The following DMXL2 variants were observed in gnomAD, a reference collection of about 807,000 sequenced individuals.
The protein encoded by DMXL2 is dmX-like protein 2.
In DMXL2, 103 loss-of-function variants were observed where a neutral mutation model predicts 331.1. The ratio of observed to expected loss-of-function variants is 0.31; its 90% CI spans 0.27 to 0.37. The LOEUF is 0.37. Ranked by LOEUF, DMXL2 falls within the 10% of genes least tolerant of loss-of-function variation. The probability of loss-of-function intolerance (pLI) is 1.00; values close to 1 mark genes in which losing one functional copy is unlikely to be tolerated. For synonymous variants in DMXL2, 1,281 were observed against 1,252.1 expected (o/e 1.02, Z -0.49); for missense variants, 3,171 against 3,642.9 (o/e 0.87, Z 3.33).
intron 1 of DMXL2, among the ~76,000 whole-genome samples, chr15:51,608,184 CA>C (rs11402503): frequency 1.3e-5 from 2 of 148,428 alleles, no homozygotes; most frequent in Admixed American, 6.7e-5. Flanking sequence ...GACTCAGTCT[CA>C]AAAAAAAAAG....
At chr15:51,502,719 C>T in intron 17 of DMXL2, 87 bp downstream of exon 17, 1 of 839,822 alleles carries the variant, frequency 1.2e-6, no homozygotes, top group African/African-American at 1.7e-5. Context: ...GAACATATTT[C>T]AGAAGAGTTC....
chr15:51,596,238 G>A lies in DMXL2; in HGVS notation c.88-20057C>T, dbSNP rs986243376. On this transcript the variant is annotated intron_variant, in intron 1 of 43. Transcript: ENST00000560891. Reference sequence around the variant, plus strand: ...CAAATCTACAAGAAAAAAACAAACAGCCCCATCAAAAAGTGGGCGAAGGAT... The same window carrying A: ...CAAATCTACAAGAAAAAAACAAACAACCCCATCAAAAAGTGGGCGAAGGAT... 1.7e-4 allele frequency among the ~76,000 whole-genome samples: 26 copies of A among 151,984 alleles called. No individual in the cohort carries two copies. In the East Asian group the frequency reaches 3.1e-3, roughly 18 times the overall value.
intron 8 of DMXL2, among the ~76,000 whole-genome samples, chr15:51,544,781 A>C (rs1214888399): frequency 2.0e-5 from 3 of 152,214 alleles, no homozygotes; most frequent in African/African-American, 7.2e-5. Context: ...ATAAAGAAAA[A>C]TACACATATT....
chr15:51,484,957 TCAA>T (rs2042278970), intron 23 of DMXL2, among the ~76,000 whole-genome samples: 1 of 142,906 alleles, frequency 7.0e-6, no homozygotes, highest in Non-Finnish European at 1.5e-5. Context: ...ATCAAGAGCT[TCAA>T]CAACAGACTA....
chr15:51,597,416 A>C (rs1043978353), intron 1 of DMXL2, among the ~76,000 whole-genome samples: 1 of 152,222 alleles, frequency 6.6e-6, no homozygotes, highest in African/African-American at 2.4e-5. Flanking sequence ...AACTTTATGT[A>C]AATGGAATCA....
intron 1 of DMXL2, among the ~76,000 whole-genome samples, chr15:51,609,727 G>A (rs569187304): frequency 3.3e-5 from 5 of 152,148 alleles, no homozygotes; most frequent in East Asian, 3.9e-4. Flanking sequence ...TCAGGAGTTT[G>A]AGACCAGCCT....
At chr15:51,595,723 T>C (rs2052750518) in intron 1 of DMXL2, among the ~76,000 whole-genome samples, 1 of 152,098 alleles carries the variant, frequency 6.6e-6, no homozygotes, top group South Asian at 2.1e-4. Context: ...AAAACAGAGA[T>C]ATAGATCAAT....
At chr15:51,521,127 T>G (rs1328000387) in intron 13 of DMXL2, among the ~76,000 whole-genome samples, 1 of 152,132 alleles carries the variant, frequency 6.6e-6, no homozygotes, top group South Asian at 2.1e-4. Context: ...CAACTTGACA[T>G]ATACAAGGTT....
intron 36 of DMXL2, chr15:51,458,111 C>T (rs773500571): frequency 4.8e-5 from 8 of 166,302 alleles, no homozygotes; most frequent in Non-Finnish European, 1.1e-4. Flanking sequence ...AAAGTAAAGC[C>T]GTCTACATTT....
intron 33 of DMXL2, among the ~76,000 whole-genome samples, chr15:51,462,902 T>C (rs971214967): frequency 2.0e-5 from 3 of 152,236 alleles, no homozygotes; most frequent in Non-Finnish European, 2.9e-5. Flanking sequence ...AAGAGCAATC[T>C]TCCTTCATCT....
rs755581343 is a variant in DMXL2 at position 51,498,962 on chromosome 15, G to A, written c.4262C>T (p.Thr1421Ile). The change falls in exon 18 of 44, where the codon ACT becomes ATT. Residue 1421 changes from threonine to isoleucine, a missense_variant. Coordinates refer to ENST00000560891, the MANE Select transcript of DMXL2 (RefSeq NM_001378457.1). ...TVGKDGTRDY[T>I]EIDSIPPLPL... ...TAGTGGAGGGATAGAATCTATCTCA[G>A]TATAATCTCGAGTACCATCTTTTCC... 23 of 1,613,894 alleles carry A rather than the reference G, an allele frequency of 1.4e-5. No individual in the cohort carries two copies. Among genetic ancestry groups the A allele is most frequent in the African/African-American group, 2.7e-5 (2 of 74,908 alleles).
chr15:51,591,312 C>T lies in DMXL2; in HGVS notation c.88-15131G>A, dbSNP rs563752302. On this transcript the variant is annotated intron_variant, in intron 1 of 43. Coordinates refer to ENST00000560891, the MANE Select transcript of DMXL2 (RefSeq NM_001378457.1). ...CCCGCGCCTGGCTCGGAGGGTCCTA[C>T]GCCCACAGAGCCTCGCTCATTGCTA... Among the ~76,000 whole-genome samples the T allele has an allele frequency of 8.5e-3, 1,299 of 152,344 alleles. 14 individuals carry two copies. Among genetic ancestry groups the T allele is most frequent in the African/African-American group, 0.03 (1,241 of 41,580 alleles).
At chr15:51,452,480 A>C (rs2039236004) in intron 41 of DMXL2, among the ~76,000 whole-genome samples, 1 of 152,188 alleles carries the variant, frequency 6.6e-6, no homozygotes, top group Non-Finnish European at 1.5e-5. Flanking sequence ...AATGGCCAAC[A>C]AACAGGAAAA....
At chr15:51,541,961 ATATT>A (rs1382202516) in intron 9 of DMXL2, among the ~76,000 whole-genome samples, 1 of 152,186 alleles carries the variant, frequency 6.6e-6, no homozygotes, top group East Asian at 1.9e-4. Flanking sequence ...TTGTAAAAAT[ATATT>A]TAGAGGAGGT....
At chr15:51,620,486 A>G (rs2054558740) in intron 1 of DMXL2, among the ~76,000 whole-genome samples, 1 of 152,264 alleles carries the variant, frequency 6.6e-6, no homozygotes, top group Non-Finnish European at 1.5e-5. Context: ...ATAATTAAAA[A>G]TAAAGTCAAA....
At chr15:51,551,443 T>C (rs188230429) in intron 6 of DMXL2, among the ~76,000 whole-genome samples, 168 of 152,346 alleles carry the variant, frequency 1.1e-3, no homozygotes, top group Admixed American at 2.0e-3. Flanking sequence ...AGGCATCCTG[T>C]AGTTTGTATC....
Position 51,622,685 on chromosome 15 carries a change from C to A in DMXL2, c.-140G>T, listed in dbSNP as rs1002182294. 16 of 1,410,804 alleles carry A rather than the reference C, an allele frequency of 1.1e-5. No homozygotes were observed. In the African/African-American group the frequency reaches 2.2e-4, roughly 20 times the overall value. The allele number at this position is 1,410,804 out of a possible 1,614,324, so 87.4% of individuals were successfully genotyped here. On this transcript the variant is annotated 5_prime_UTR_variant, in exon 1 of 44. Coordinates refer to ENST00000560891, the MANE Select transcript of DMXL2 (RefSeq NM_001378457.1). The stretch of plus-strand genomic sequence containing the variant: ...GGAGGCTCTGGCTTAACTCCTCGCC[C>A]CCCTTTCGCCTTCCCTCCGCCTCGT...
chr15:51,503,721 TC>T (rs2043848202), intron 16 of DMXL2, among the ~76,000 whole-genome samples: 1 of 152,144 alleles, frequency 6.6e-6, no homozygotes, highest in Non-Finnish European at 1.5e-5. Context: ...TCTGAAATGT[TC>T]CCAATCCGAA....
chr15:51,537,438 C>G, intron 11 of DMXL2, 50 bp downstream of exon 11: 1 of 1,507,322 alleles, frequency 6.6e-7, no homozygotes. Context: ...GCATTTATTT[C>G]TTTTTACTAT....
Sources: gnomAD v4.1 joint callset for allele counts (sites outside exome capture counted in the v4.1 genomes callset) on GRCh38, gnomAD v4.1.1 for gene constraint, MANE v1.5 for transcripts, NCBI Gene and HGNC (gene_info 2026-07-23, HGNC 2026-07-21) for gene names.